Variants in KHDRBS2 observed in about 807,000 individuals in gnomAD.
KHDRBS2 encodes the protein KH RNA binding domain containing, signal transduction associated 2.
A neutral mutation model predicts 44.3 loss-of-function variants in KHDRBS2; 26 were observed. The ratio of observed to expected loss-of-function variants is 0.59; its 90% confidence interval spans 0.43 to 0.81. The LOEUF (loss-of-function observed/expected upper bound fraction) is 0.81, where lower values mean the gene tolerates loss of function less well. Ranked by LOEUF, KHDRBS2 falls within the 40% of genes least tolerant of loss-of-function variation. KHDRBS2 has a pLI of 0.00. For synonymous variants in KHDRBS2, 194 were observed against 151.1 expected (o/e 1.28, Z -2.08); for missense variants, 476 against 433.1 (o/e 1.10, Z -0.88).
intron 6 of KHDRBS2, among the ~76,000 whole-genome samples, chr6:61,747,751 C>A (rs941770261): frequency 2.6e-5 from 4 of 152,020 alleles, no homozygotes; most frequent in African/African-American, 9.7e-5. Flanking sequence ...TAACAATGCC[C>A]TTGTAGTCAT....
intron 4 of KHDRBS2, among the ~76,000 whole-genome samples, chr6:61,933,232 G>T (rs926960165): frequency 1.3e-5 from 2 of 152,110 alleles, no homozygotes; most frequent in Admixed American, 1.3e-4. Flanking sequence ...GAACTCCTGA[G>T]AACTCACTGT....
At chr6:62,019,929 A>G (rs1733628374) in intron 3 of KHDRBS2, among the ~76,000 whole-genome samples, 3 of 151,538 alleles carry the variant, frequency 2.0e-5, no homozygotes, top group Admixed American at 1.3e-4. Flanking sequence ...TTTATGTTCA[A>G]TCTGATCTTT....
chr6:62,254,628 T>G (rs1197430417), intron 1 of KHDRBS2, among the ~76,000 whole-genome samples: 2 of 151,936 alleles, frequency 1.3e-5, no homozygotes, highest in South Asian at 2.1e-4. Flanking sequence ...AAGCCAGTAT[T>G]TAGTCAAGCA....
chr6:62,066,487 T>G (rs1793754913), intron 2 of KHDRBS2, among the ~76,000 whole-genome samples: 1 of 151,734 alleles, frequency 6.6e-6, no homozygotes, highest in African/African-American at 2.4e-5. Flanking sequence ...GCTATCAGAT[T>G]TTTCATTATT....
At chr6:61,609,807 A>G in the KHDRBS2 span, among the ~76,000 whole-genome samples, 1 of 152,196 alleles carries the variant, frequency 6.6e-6, no homozygotes, top group Non-Finnish European at 1.5e-5. Context: ...AGGGGAGTGA[A>G]TATGTTTTAA....
chr6:61,827,449 T>C lies in KHDRBS2; in HGVS notation c.810+67186A>G, dbSNP rs898955769. Among the ~76,000 whole-genome samples, 45 of 152,300 alleles carry C rather than the reference T, an allele frequency of 3.0e-4. 1 individual carries two copies. Among genetic ancestry groups the C allele is most frequent in the African/African-American group, 1.0e-3 (43 of 41,574 alleles). On this transcript the variant is annotated intron_variant, in intron 6 of 8. Coordinates refer to ENST00000281156, the MANE Select transcript of KHDRBS2 (RefSeq NM_152688.4). Reference sequence around the variant, plus strand: ...GATGCCTGTTAGGAGGAAACAATTTTCTATATTGAAAATGCTAGGCAGGAT... The same window carrying C: ...GATGCCTGTTAGGAGGAAACAATTTCCTATATTGAAAATGCTAGGCAGGAT...
chr6:61,556,788 A>C, the KHDRBS2 span, among the ~76,000 whole-genome samples: 1 of 151,964 alleles, frequency 6.6e-6, no homozygotes, highest in Non-Finnish European at 1.5e-5. Flanking sequence ...CAGAATATTC[A>C]AAAGGCATGT....
At chr6:62,277,594 G>A (rs1444980516) in intron 1 of KHDRBS2, among the ~76,000 whole-genome samples, 3 of 152,022 alleles carry the variant, frequency 2.0e-5, no homozygotes, top group Non-Finnish European at 2.9e-5. Flanking sequence ...CACCTGCCTC[G>A]GCCTCCCAAA....
Position 61,954,800 on chromosome 6 carries a change from ATGTATACATACGCATGTG to A in KHDRBS2, c.483+23248_483+23265del, listed in dbSNP as rs1562513183. Reference sequence around the variant, plus strand: ...TATGTGTATATACACATGCATATGTATGTATACATACGCATGTGTATATACACATGCATATGTATGTAT... The same window carrying A: ...TATGTGTATATACACATGCATATGTATATATACACATGCATATGTATGTAT... On this transcript the variant is annotated intron_variant, in intron 4 of 8. Coordinates refer to ENST00000281156, the MANE Select transcript of KHDRBS2 (RefSeq NM_152688.4). Among the ~76,000 whole-genome samples, 285 of 99,006 alleles carry A rather than the reference ATGTATACATACGCATGTG, an allele frequency of 2.9e-3. 95 individuals carry two copies. The highest frequency in any genetic ancestry group is 8.5e-3 in the African/African-American group (205 of 24,234). The allele number at this position is 99,006 out of a possible 152,430, so 65.0% of individuals were successfully genotyped here.
At chr6:61,781,801 C>T (rs568769363) in intron 6 of KHDRBS2, among the ~76,000 whole-genome samples, 1 of 152,238 alleles carries the variant, frequency 6.6e-6, no homozygotes, top group East Asian at 1.9e-4. Context: ...AATAAATCTC[C>T]AGGGAGATAG....
intron 6 of KHDRBS2, among the ~76,000 whole-genome samples, chr6:61,853,890 G>A (rs1157341219): frequency 1.3e-5 from 2 of 152,176 alleles, no homozygotes; most frequent in African/African-American, 2.4e-5. Context: ...AAGGAAAAGA[G>A]AACGAGAGAT....
intron 2 of KHDRBS2, among the ~76,000 whole-genome samples, chr6:62,124,187 T>C (rs1808404353): frequency 6.6e-6 from 1 of 152,204 alleles, no homozygotes; most frequent in Non-Finnish European, 1.5e-5. Flanking sequence ...GAGAGTGACC[T>C]TGTTCATCTC....
intron 3 of KHDRBS2, among the ~76,000 whole-genome samples, chr6:62,016,742 C>CCTAA (rs1781285213): frequency 1.3e-5 from 2 of 151,620 alleles, no homozygotes; most frequent in Admixed American, 6.6e-5. Flanking sequence ...TGTGTACAGA[C>CCTAA]CTAACATCAC....
chr6:61,629,157 G>C, the KHDRBS2 span, among the ~76,000 whole-genome samples: 4 of 151,930 alleles, frequency 2.6e-5, no homozygotes, highest in Non-Finnish European at 5.9e-5. Context: ...TCTTCATTAG[G>C]GCATGTGTGA....
the KHDRBS2 span, among the ~76,000 whole-genome samples, chr6:61,552,512 C>T: frequency 6.6e-6 from 1 of 151,934 alleles, no homozygotes; most frequent in Non-Finnish European, 1.5e-5. Flanking sequence ...ATTTCTTTCT[C>T]TTGCCAGGTT....
At chr6:61,676,383 A>G (rs1172906220), downstream of KHDRBS2, among the ~76,000 whole-genome samples, 1 of 151,810 alleles carries the variant, frequency 6.6e-6, no homozygotes, top group Non-Finnish European at 1.5e-5. Context: ...ATCCCAGCCA[A>G]TTCAGATTAA....
intron 4 of KHDRBS2, among the ~76,000 whole-genome samples, chr6:61,976,212 C>T (rs1772621323): frequency 2.6e-5 from 4 of 152,122 alleles, no homozygotes; most frequent in African/African-American, 9.7e-5. Context: ...GGCAGCCATT[C>T]CATCATTCCA....
chr6:61,769,597 A>G (rs181917643), intron 6 of KHDRBS2, among the ~76,000 whole-genome samples: 1,881 of 151,950 alleles, frequency 0.012, 32 homozygotes, highest in African/African-American at 0.042. Context: ...ACAGCAGTCC[A>G]AGATCAAACT....
chr6:61,976,126 C>G (rs1249892192), intron 4 of KHDRBS2, among the ~76,000 whole-genome samples: 1 of 152,126 alleles, frequency 6.6e-6, no homozygotes, highest in Non-Finnish European at 1.5e-5. Flanking sequence ...TATGGTGCAT[C>G]TTGACTGTGG....
Sources: gnomAD v4.1 joint callset for allele counts (sites outside exome capture counted in the v4.1 genomes callset) on GRCh38, gnomAD v4.1.1 for gene constraint, MANE v1.5 for transcripts, NCBI Gene and HGNC (gene_info 2026-07-23, HGNC 2026-07-21) for gene names.